The following CNBD1 variants were observed in gnomAD, a reference collection of about 807,000 sequenced individuals.
CNBD1 encodes cyclic nucleotide binding domain containing 1, also known as cyclic nucleotide-binding domain-containing protein 1.
Under a neutral mutation model 54.4 loss-of-function variants are expected in CNBD1, and 71 were observed. The ratio of observed to expected loss-of-function variants is 1.30; its 90% CI spans 1.08 to 1.59. CNBD1 has a LOEUF of 1.59. Ranked by LOEUF, CNBD1 falls within the 40% of genes most tolerant of loss-of-function variation. The probability of loss-of-function intolerance (pLI) is 0.00; values close to 1 mark genes in which losing one functional copy is unlikely to be tolerated. For synonymous variants in CNBD1, 182 were observed against 170.7 expected (o/e 1.07, Z -0.51); for missense variants, 659 against 518.0 (o/e 1.27, Z -2.64).
At chr8:87,169,545 TAG>T (rs1813042536) in intron 4 of CNBD1, among the ~76,000 whole-genome samples, 1 of 152,138 alleles carries the variant, frequency 6.6e-6, no homozygotes, top group South Asian at 2.1e-4. Flanking sequence ...CTTGAGGTCT[TAG>T]AGTTAAGTCT....
At chr8:87,169,704 T>C (rs936205389) in intron 4 of CNBD1, among the ~76,000 whole-genome samples, 4 of 151,964 alleles carry the variant, frequency 2.6e-5, no homozygotes, top group Non-Finnish European at 4.4e-5. Flanking sequence ...CTTTATTGAT[T>C]ATGAATTTAC....
chr8:87,152,596 G>T (rs1045628891), intron 4 of CNBD1, among the ~76,000 whole-genome samples: 3 of 152,210 alleles, frequency 2.0e-5, no homozygotes, highest in Non-Finnish European at 2.9e-5. Context: ...ATTCCTGAGT[G>T]AGAGGGCTCT....
chr8:87,273,681 C>T (rs6468739), intron 6 of CNBD1, among the ~76,000 whole-genome samples: 42,734 of 151,760 alleles, frequency 0.28, 6,460 homozygotes, highest in African/African-American at 0.39. Flanking sequence ...TTTGCTGATC[C>T]ACTCCTTTTC....
chr8:87,329,129 T>C (rs560487967), intron 8 of CNBD1, among the ~76,000 whole-genome samples: 6 of 152,260 alleles, frequency 3.9e-5, no homozygotes, highest in African/African-American at 1.2e-4. Context: ...CTATATTCGC[T>C]CTTTTGCATG....
intron 2 of CNBD1, among the ~76,000 whole-genome samples, chr8:87,405,353 A>T (rs1035701945): frequency 6.6e-6 from 1 of 152,124 alleles, no homozygotes; most frequent in Non-Finnish European, 1.5e-5. Flanking sequence ...TTTGGCAAAT[A>T]GTGGCATTAT....
intron 8 of CNBD1, among the ~76,000 whole-genome samples, chr8:87,344,753 C>T (rs1025523383): frequency 3.3e-5 from 5 of 152,146 alleles, no homozygotes; most frequent in South Asian, 2.1e-4. Context: ...TGAGTGAATG[C>T]GTTGCATGGT....
intron 5 of CNBD1, among the ~76,000 whole-genome samples, chr8:87,206,722 T>C (rs575482609): frequency 9.2e-5 from 14 of 152,302 alleles, no homozygotes; most frequent in African/African-American, 3.4e-4. Context: ...ACTTGTTATA[T>C]TTTAATTACG....
intron 4 of CNBD1, among the ~76,000 whole-genome samples, chr8:87,112,847 C>T (rs1270016430): frequency 6.6e-6 from 1 of 152,128 alleles, no homozygotes; most frequent in African/African-American, 2.4e-5. Context: ...TAAGGTACTC[C>T]TGGCACTAGC....
At chr8:87,402,318 A>G (rs1807579016) in intron 2 of CNBD1, among the ~76,000 whole-genome samples, 1 of 151,994 alleles carries the variant, frequency 6.6e-6, no homozygotes, top group Non-Finnish European at 1.5e-5. Flanking sequence ...ACAGTCAAAC[A>G]ATACCAGAAG....
At position 87,112,305 on chromosome 8, in the gene CNBD1, C is replaced by T. The variant is rs532015821; in HGVS notation, c.432-93688C>T. 1.4e-4 allele frequency among the ~76,000 whole-genome samples: 22 copies of T among 152,254 alleles called. No individual in the cohort carries two copies. The South Asian group carries it at 2.3e-3, about 16-fold the overall frequency. On this transcript the variant is annotated intron_variant, in intron 4 of 10. Coordinates refer to ENST00000518476, the MANE Select transcript of CNBD1 (RefSeq NM_173538.3). ...TGGGATAGTGCCCTGTTTTTGCCAA[C>T]CTTTCATCTATCCAGTTCCCCTATC... is the stretch of plus-strand genomic sequence containing the variant.
chr8:87,063,140 T>C (rs539856409), intron 4 of CNBD1, among the ~76,000 whole-genome samples: 1 of 152,160 alleles, frequency 6.6e-6, no homozygotes, highest in South Asian at 2.1e-4. Flanking sequence ...AGTAACCATA[T>C]GGTGGGTACT....
chr8:87,367,596 T>A (rs1768075217), intron 10 of CNBD1, among the ~76,000 whole-genome samples: 2 of 152,166 alleles, frequency 1.3e-5, no homozygotes, highest in Non-Finnish European at 2.9e-5. Flanking sequence ...ATTCTCCCAC[T>A]TTTTAATTAC....
intron 4 of CNBD1, among the ~76,000 whole-genome samples, chr8:87,148,857 A>G (rs1374887960): frequency 6.6e-6 from 1 of 152,348 alleles, no homozygotes; most frequent in East Asian, 1.9e-4. Flanking sequence ...TTATGATACT[A>G]CAGCTGCTAC....
intron 8 of CNBD1, among the ~76,000 whole-genome samples, chr8:87,341,467 C>T (rs1810062481): frequency 6.6e-6 from 1 of 152,130 alleles, no homozygotes; most frequent in Non-Finnish European, 1.5e-5. Context: ...GGTAGAAACA[C>T]TATGACAAGA....
chr8:87,255,324 T>C (rs1230194031), intron 6 of CNBD1, among the ~76,000 whole-genome samples: 1 of 152,116 alleles, frequency 6.6e-6, no homozygotes, highest in Non-Finnish European at 1.5e-5. Flanking sequence ...ATAAACTCTC[T>C]GCATGTAAAA....
Position 86,908,800 on chromosome 8 carries a change from T to TTTTGAGACGGAGTCC in CNBD1, c.272+3607_272+3608insTTGAGACGGAGTCCT, listed in dbSNP as rs1554629463. Among the ~76,000 whole-genome samples the TTTTGAGACGGAGTCC allele has an allele frequency of 1.7e-4, 23 of 135,760 alleles. 1 individual carries two copies. The highest frequency in any genetic ancestry group is 4.3e-4 in the East Asian group (2 of 4,700). 89.1% of individuals were successfully genotyped at this position (135,760 alleles called of 152,430 possible). A position where few individuals can be genotyped will look rare whatever the true frequency, so the allele number is the denominator to read the frequency against. On this transcript the variant is annotated intron_variant, in intron 3 of 10. Coordinates refer to ENST00000518476, the MANE Select transcript of CNBD1 (RefSeq NM_173538.3). ...ATAAGAATTCTTTTTTTTTTTTTTT[T>TTTTGAGACGGAGTCC]TGTGCTGAGGGCAGGAGTGCAGTGG...
chr8:87,377,232 A>G (rs982956945), intron 10 of CNBD1, among the ~76,000 whole-genome samples: 1 of 151,318 alleles, frequency 6.6e-6, no homozygotes, highest in African/African-American at 2.4e-5. Context: ...TACATGTGCC[A>G]TGCTGGTGCG....
chr8:87,290,615 C>A (rs965731643), intron 8 of CNBD1, among the ~76,000 whole-genome samples: 7 of 152,074 alleles, frequency 4.6e-5, no homozygotes, highest in African/African-American at 1.7e-4. Context: ...TGTTTGCAGC[C>A]TGAAGAACTT....
chr8:87,326,555 C>T (rs1469929768), intron 8 of CNBD1, among the ~76,000 whole-genome samples: 1 of 117,452 alleles, frequency 8.5e-6, no homozygotes, highest in Non-Finnish European at 1.9e-5. Flanking sequence ...TCATTCATTT[C>T]ATCTTCCATT....
Sources: gnomAD v4.1 joint callset for allele counts (sites outside exome capture counted in the v4.1 genomes callset) on GRCh38, gnomAD v4.1.1 for gene constraint, MANE v1.5 for transcripts, NCBI Gene and HGNC (gene_info 2026-07-23, HGNC 2026-07-21) for gene names.